Variants in NICN1 observed in about 807,000 individuals in gnomAD.
NICN1 encodes the protein nicolin 1, tubulin polyglutamylase complex subunit.
NICN1 carries 18 observed loss-of-function variants against 26.3 expected under a neutral mutation model. The observed-to-expected ratio is 0.68, with a 90% CI of 0.47 to 1.01. The LOEUF (loss-of-function observed/expected upper bound fraction) is 1.01, where lower values mean the gene tolerates loss of function less well. Ranked by LOEUF, NICN1 falls within the 50% of genes least tolerant of loss-of-function variation. NICN1 has a pLI of 0.00. For synonymous variants in NICN1, 109 were observed against 111.0 expected (o/e 0.98, Z 0.11); for missense variants, 239 against 278.3 (o/e 0.86, Z 1.00).
At chr3:49,426,182 T>C (rs1357611689) in intron 2 of NICN1, 70 bp downstream of exon 2, 19 of 1,499,504 alleles carry the variant, frequency 1.3e-5, no homozygotes, top group Non-Finnish European at 1.6e-5. Context: ...TCTTGGTATA[T>C]TGATCCAATC....
At position 49,422,773 on chromosome 3, in the gene NICN1, G is replaced by A. The variant is rs1298400765; in HGVS notation, c.*2060C>T. On this transcript the variant is annotated 3_prime_UTR_variant, in exon 6 of 6. Coordinates refer to ENST00000273598, the MANE Select transcript of NICN1 (RefSeq NM_032316.3). ...CTGTCTCCAGAGGGTCAAAGTTCTG[G>A]AAAGGGCTGAAAGGTCTGAATCATA... 1 of 460,724 alleles carries A rather than the reference G, an allele frequency of 2.2e-6. No homozygotes were observed. The highest frequency in any genetic ancestry group is 4.0e-6 in the Non-Finnish European group (1 of 248,308). The allele number at this position is 460,724 out of a possible 1,614,324, so 28.5% of individuals were successfully genotyped here.
rs200643542 is a variant in NICN1 at position 49,424,970 on chromosome 3, G to A, written c.579C>T (p.Ser193=). 1.8e-5 allele frequency: 29 copies of A among 1,614,058 alleles called. No individual in the cohort carries two copies. The East Asian group carries it at 3.6e-4, about 20-fold the overall frequency. ...LTEMIRASHT[S]ARIGRFDVDG... is the part of the protein sequence containing the mutation. ...TTACATCAAAGCGGCCGATCCTTGC[G>A]GAGGTGTGACTGGCCCGGATCATCT... The change falls in exon 5 of 6, where the codon TCC becomes TCT. Residue 193 remains serine, a synonymous_variant. Transcript: ENST00000273598.
Position 49,426,276 on chromosome 3 carries a change from C to T in NICN1, c.285G>A (p.Glu95=), listed in dbSNP as rs770258884. ...PDPHSEEGAQ[E]YVSLFKHQML... is the part of the protein sequence containing the mutation. ...CCTGATGCTTGAACAGCGATACATA[C>T]TCCTGGGCTCCCTCCTCACTGTGTG... Residue 95 remains glutamate (E), a synonymous_variant, in exon 2 of 6, where the codon GAG becomes GAA. Transcript: ENST00000273598. 10 of 1,614,182 alleles carry T rather than the reference C, an allele frequency of 6.2e-6. No individual in the cohort carries two copies. The South Asian group carries it at 1.1e-4, about 18-fold the overall frequency.
chr3:49,426,229 G>A (rs755872011), intron 2 of NICN1, 23 bp downstream of exon 2: 17 of 1,611,526 alleles, frequency 1.1e-5, no homozygotes, highest in Non-Finnish European at 1.3e-5. Flanking sequence ...GGGCTGCCCT[G>A]GCCATCCTGA....
rs145426226 is a variant in NICN1, at chr3:49,425,963, G to A, written c.343C>T (p.Arg115Cys). 306 of 1,611,514 alleles carry A rather than the reference G, an allele frequency of 1.9e-4. 1 individual carries two copies. Among genetic ancestry groups the A allele is most frequent in the South Asian group, 5.2e-4 (47 of 90,954 alleles). Residue 115 changes from arginine (R) to cysteine (C), a missense_variant, in exon 3 of 6, where the codon CGC becomes TGC. Coordinates refer to ENST00000273598, the MANE Select transcript of NICN1 (RefSeq NM_032316.3). ...GGTGATGGCTGCCGCAGAATCAGGC[G>A]TAGCTCCGATATTCTAGCCATGTCA... is the stretch of plus-strand genomic sequence containing the variant. ...LCDMARISEL[R>C]LILRQPSPLW...
Position 49,429,215 on chromosome 3 carries a change from G to A in NICN1, c.25C>T (p.His9Tyr). Residue 9 changes from histidine (H) to tyrosine (Y), a missense_variant, in exon 1 of 6, where the codon CAT becomes TAT. Physicochemically the swap from His to Tyr is moderately conservative, Grantham distance 83. Transcript: ENST00000273598. MSRVLVPC[H>Y]VKGSVALQVG... ...TGGAGGGCTACGGAGCCTTTCACAT[G>A]GCAAGGCACCAAAACGCGGGACATG... 6.2e-7 allele frequency: 1 copy of A among 1,608,094 alleles called. No homozygotes were observed. The highest frequency in any genetic ancestry group is 8.5e-7 in the Non-Finnish European group (1 of 1,177,334).
chr3:49,429,298 T>C lies in NICN1; in HGVS notation c.-59A>G. On this transcript the variant is annotated 5_prime_UTR_variant, in exon 1 of 6. Coordinates refer to ENST00000273598, the MANE Select transcript of NICN1 (RefSeq NM_032316.3). ...CTCTAGGCCCCCGACCACCAGCCCT[T>C]CCCGGCATCCTCAGCCGAGCCTCAA... 6.6e-7 allele frequency: 1 copy of C among 1,514,068 alleles called. No homozygotes were observed. The highest frequency in any genetic ancestry group is 8.9e-7 in the Non-Finnish European group (1 of 1,125,628). The allele number at this position is 1,514,068 out of a possible 1,614,324, so 93.8% of individuals were successfully genotyped here. A position where few individuals can be genotyped will look rare whatever the true frequency, so the allele number is the denominator to read the frequency against.
chr3:49,423,477 G>C lies in NICN1; in HGVS notation c.*1356C>G, dbSNP rs4855872. On this transcript the variant is annotated 3_prime_UTR_variant, in exon 6 of 6. Coordinates refer to ENST00000273598, the MANE Select transcript of NICN1 (RefSeq NM_032316.3). Reference sequence around the variant, plus strand: ...AGCATATCTCTTGGAAAGGGGCAGGGCGGGCGCGGTGGCTCATGCCTGTAA... The same window carrying C: ...AGCATATCTCTTGGAAAGGGGCAGGCCGGGCGCGGTGGCTCATGCCTGTAA... 0.98 allele frequency: 148,838 copies of C among 152,522 alleles called. 72,739 individuals carry two copies. The highest frequency in any genetic ancestry group is 1 in the Middle Eastern group (302 of 302). 9.4% of individuals were successfully genotyped at this position (152,522 alleles called of 1,614,324 possible).
Position 49,429,263 on chromosome 3 carries a change from G to A in NICN1, c.-24C>T, listed in dbSNP as rs988696125. On this transcript the variant is annotated 5_prime_UTR_variant, in exon 1 of 6. Coordinates refer to ENST00000273598, the MANE Select transcript of NICN1 (RefSeq NM_032316.3). Reference sequence around the variant, plus strand: ...ATGGTGACAGCAGCCGCAACTAAGTGCAACCGCCGCTCTAGGCCCCCGACC... The same window carrying A: ...ATGGTGACAGCAGCCGCAACTAAGTACAACCGCCGCTCTAGGCCCCCGACC... 1.1e-5 allele frequency: 18 copies of A among 1,569,332 alleles called. No individual in the cohort carries two copies. Among genetic ancestry groups the A allele is most frequent in the Non-Finnish European group, 1.3e-5 (15 of 1,154,246 alleles).
In NICN1 at chr3:49,429,257, C is replaced by T. The variant is rs747180776; in HGVS notation, c.-18G>A. The T allele has an allele frequency of 6.3e-7, 1 of 1,582,374 alleles. No homozygotes were observed. Among genetic ancestry groups the T allele is most frequent in the East Asian group, 2.4e-5 (1 of 42,116 alleles). On this transcript the variant is annotated 5_prime_UTR_variant, in exon 1 of 6. Transcript: ENST00000273598. ...CGGGACATGGTGACAGCAGCCGCAA[C>T]TAAGTGCAACCGCCGCTCTAGGCCC... is the stretch of plus-strand genomic sequence containing the variant.
chr3:49,426,249 G>T lies in NICN1; in HGVS notation c.309+3C>A. 1 of 1,613,842 alleles carries T rather than the reference G, an allele frequency of 6.2e-7. No individual in the cohort carries two copies. The highest frequency in any genetic ancestry group is 1.1e-5 in the South Asian group (1 of 91,012). On this transcript the variant is annotated splice_donor_region_variant and intron_variant, in intron 2 of 5. Transcript: ENST00000273598. ...GCCCTGGCCATCCTGAGGCCCAGCT[G>T]ACCTGATGCTTGAACAGCGATACAT... is the stretch of plus-strand genomic sequence containing the variant.
intron 3 of NICN1, 24 bp downstream of exon 3, chr3:49,425,859 C>G (rs558348949): frequency 1.3e-5 from 17 of 1,331,648 alleles, no homozygotes; most frequent in Admixed American, 1.8e-5. Flanking sequence ...AAAGGGCCAG[C>G]CAGCAGCTGA....
At chr3:49,426,601 C>T (rs1193912517) in intron 1 of NICN1, among the ~76,000 whole-genome samples, 173 bp from the exon 2 acceptor site, 1 of 150,788 alleles carries the variant, frequency 6.6e-6, no homozygotes, top group East Asian at 1.9e-4. Flanking sequence ...GATCTCAGCT[C>T]ACTGCAACCT....
rs1337306680 is a variant in NICN1, at chr3:49,426,320, A to G, written c.241T>C (p.Tyr81His). Reference sequence around the variant, plus strand: ...CTGTGTGGGTCAGGCATTAGGCAGTAGTCCCGCAGGCAGGTCACCCACTTG... The same window carrying G: ...CTGTGTGGGTCAGGCATTAGGCAGTGGTCCCGCAGGCAGGTCACCCACTTG... Reference protein sequence around the residue: ...PAKWVTCLRDYCLMPDPHSEE... With the variant: ...PAKWVTCLRDHCLMPDPHSEE... Residue 81 changes from tyrosine (Y) to histidine (H), a missense_variant, in exon 2 of 6, where the codon TAC becomes CAC. Transcript: ENST00000273598. 1.2e-6 allele frequency: 2 copies of G among 1,614,244 alleles called. No individual in the cohort carries two copies. The highest frequency in any genetic ancestry group is 1.7e-6 in the Non-Finnish European group (2 of 1,180,046).
chr3:49,425,574 G>T (rs936663561), intron 3 of NICN1, 136 bp from the exon 4 acceptor site: 2 of 678,102 alleles, frequency 2.9e-6, no homozygotes, highest in Non-Finnish European at 2.5e-6. Flanking sequence ...AGCCCACAGA[G>T]ACCTAAAGAG....
At position 49,425,373 on chromosome 3, in the gene NICN1, G is replaced by A. The variant is rs1243896559; in HGVS notation, c.489C>T (p.Leu163=). The stretch of plus-strand genomic sequence containing the variant: ...ACCTAGGGTGAGGGCTTACCTCACG[G>A]AGGAGTGCAGGTTGCTCACAGGGCA... ...HPVPCEQPAL[L]REGLPDPSRV... is the part of the protein sequence containing the mutation. The change falls in exon 4 of 6, where the codon CTC becomes CTT. Residue 163 remains leucine (L), a synonymous_variant. Coordinates refer to ENST00000273598, the MANE Select transcript of NICN1 (RefSeq NM_032316.3). 6 of 1,612,462 alleles carry A rather than the reference G, an allele frequency of 3.7e-6. No homozygotes were observed. The South Asian group carries it at 6.6e-5, about 18-fold the overall frequency.
At chr3:49,425,774 G>T (rs2049164634) in intron 3 of NICN1, 109 bp downstream of exon 3, 1 of 623,442 alleles carries the variant, frequency 1.6e-6, no homozygotes, top group East Asian at 2.8e-5. Flanking sequence ...TAACCTCCAT[G>T]AAGGCCCCAT....
chr3:49,427,038 G>A (rs942463767), intron 1 of NICN1, among the ~76,000 whole-genome samples: 4 of 152,094 alleles, frequency 2.6e-5, no homozygotes, highest in South Asian at 2.1e-4. Context: ...TGTAGAAAAC[G>A]TGGCCGGGCA....
At position 49,429,216 on chromosome 3, in the gene NICN1, G is replaced by C; in HGVS notation, c.24C>G (p.Cys8Trp). MSRVLVPCHVKGSVALQV... is the reference protein window; with the variant it reads MSRVLVPWHVKGSVALQV... Reference sequence around the variant, plus strand: ...GGAGGGCTACGGAGCCTTTCACATGGCAAGGCACCAAAACGCGGGACATGG... The same window carrying C: ...GGAGGGCTACGGAGCCTTTCACATGCCAAGGCACCAAAACGCGGGACATGG... Residue 8 changes from cysteine to tryptophan, a missense_variant, in exon 1 of 6, where the codon TGC becomes TGG. Transcript: ENST00000273598. 1 of 1,607,750 alleles carries C rather than the reference G, an allele frequency of 6.2e-7. No homozygotes were observed. The highest frequency in any genetic ancestry group is 1.7e-4 in the Middle Eastern group (1 of 6,046).
Sources: allele counts gnomAD v4.1 joint callset (sites outside exome capture counted in the v4.1 genomes callset), GRCh38; gene constraint gnomAD v4.1.1; transcripts MANE v1.5; gene names NCBI Gene and HGNC (gene_info 2026-07-23, HGNC 2026-07-21).